ARL13B: variants seen among roughly 807,000 people sequenced by gnomAD.
The protein encoded by ARL13B is ARF like GTPase 13B.
ARL13B carries 36 observed loss-of-function variants against 56.1 expected under a neutral mutation model. The ratio of observed to expected loss-of-function variants is 0.64; its 90% CI spans 0.49 to 0.85. ARL13B has a LOEUF of 0.85. Ranked by LOEUF, ARL13B falls within the 40% of genes least tolerant of loss-of-function variation. The pLI, the probability that ARL13B is intolerant of heterozygous loss-of-function variation, is 0.00. For missense variants in ARL13B, 519 were observed against 507.1 expected (o/e 1.02, Z -0.23); for synonymous variants, 178 against 171.1 (o/e 1.04, Z -0.32).
chr3:93,980,762 G>A (rs922149103), intron 1 of ARL13B, among the ~76,000 whole-genome samples: 1 of 142,538 alleles, frequency 7.0e-6, no homozygotes, highest in Non-Finnish European at 1.5e-5. Context: ...TGTGTGTGTG[G>A]AATTGAAAAC....
chr3:93,998,939 T>TA (rs569590445), intron 2 of ARL13B, among the ~76,000 whole-genome samples: 490 of 150,974 alleles, frequency 3.2e-3, no homozygotes, highest in African/African-American at 0.011. Flanking sequence ...TTTTTTTTTT[T>TA]ATTTCCGTGT....
At chr3:94,027,407 A>G (rs1202554932) in intron 3 of ARL13B, among the ~76,000 whole-genome samples, 1 of 152,088 alleles carries the variant, frequency 6.6e-6, no homozygotes, top group Non-Finnish European at 1.5e-5. Flanking sequence ...TAAATAACTT[A>G]TTGAATTAAC....
intron 3 of ARL13B, among the ~76,000 whole-genome samples, chr3:94,013,444 G>A (rs2076260851): frequency 6.6e-6 from 1 of 152,194 alleles, no homozygotes. Context: ...AAATATTCAA[G>A]AATACAGTTG....
At chr3:94,020,276 C>T (rs2076420360) in intron 3 of ARL13B, among the ~76,000 whole-genome samples, 3 of 152,120 alleles carry the variant, frequency 2.0e-5, no homozygotes, top group Admixed American at 2.0e-4. Flanking sequence ...GTGCCAGGCA[C>T]TAAGTGTGTT....
In ARL13B at chr3:94,003,685, G is replaced by T. The variant is rs748453639; in HGVS notation, c.157G>T (p.Val53Phe). Residue 53 changes from valine to phenylalanine, a missense_variant, in exon 3 of 10, where the codon GTT becomes TTT. By Grantham distance (50) the Val-to-Phe change is conservative. Transcript: ENST00000394222. ...GEYPEDVAPT[V>F]GFSKINLRQG... ...ATACCCTGAAGATGTAGCTCCTACT[G>T]TTGGATTTTCAAAAATTAACCTTAG... is the stretch of plus-strand genomic sequence containing the variant. 1 of 1,613,446 alleles carries T rather than the reference G, an allele frequency of 6.2e-7. No homozygotes were observed. Among genetic ancestry groups the T allele is most frequent in the South Asian group, 1.1e-5 (1 of 91,034 alleles).
At position 94,054,760 on chromosome 3, in the gene ARL13B, A is replaced by T. The variant is rs1342407097; in HGVS notation, c.*1497A>T. 3.8e-5 allele frequency: 16 copies of T among 418,718 alleles called. No homozygotes were observed. The highest frequency in any genetic ancestry group is 6.7e-5 in the Non-Finnish European group (14 of 209,294). The allele number at this position is 418,718 out of a possible 1,614,324, so 25.9% of individuals were successfully genotyped here. On this transcript the variant is annotated 3_prime_UTR_variant, in exon 10 of 10. Transcript: ENST00000394222. ...TATATTCTTGGAGTTTGTACATGGG[A>T]CTTAGCAACCACACTGAGTGAGGTA...
intron 3 of ARL13B, among the ~76,000 whole-genome samples, chr3:94,026,910 C>T (rs1257401551): frequency 1.3e-5 from 2 of 152,082 alleles, no homozygotes; most frequent in Non-Finnish European, 2.9e-5. Context: ...ACTTGGACAA[C>T]TTGTTCTGGG....
At position 93,980,496 on chromosome 3, in the gene ARL13B, A is replaced by G. The variant is rs762514257; in HGVS notation, c.59+14A>G. The G allele has an allele frequency of 7.5e-6, 12 of 1,609,396 alleles. No homozygotes were observed. The highest frequency in any genetic ancestry group is 3.3e-5 in the Admixed American group (2 of 60,006). On this transcript the variant is annotated intron_variant, in intron 1 of 9. Transcript: ENST00000394222. ...GGAGCCTGTCAGGTAGGCTGGAGCCAGCTGTCCTGGCCGTCCTAGGGGTTG... is the reference window on the plus strand; with the variant it reads ...GGAGCCTGTCAGGTAGGCTGGAGCCGGCTGTCCTGGCCGTCCTAGGGGTTG...
intron 3 of ARL13B, among the ~76,000 whole-genome samples, chr3:94,028,762 A>G (rs575637668): frequency 2.0e-5 from 3 of 152,332 alleles, no homozygotes; most frequent in Non-Finnish European, 2.9e-5. Flanking sequence ...TACATTGTAT[A>G]TGTAATATAT....
intron 6 of ARL13B, among the ~76,000 whole-genome samples, chr3:94,042,060 AAAAAT>A (rs763216389): frequency 6.6e-6 from 1 of 152,358 alleles, no homozygotes; most frequent in East Asian, 1.9e-4. Context: ...CCATCTCAAA[AAAAAT>A]AAAATAAAAT....
At position 94,036,664 on chromosome 3, in the gene ARL13B, G is replaced by A. The variant is rs764109067; in HGVS notation, c.599G>A (p.Arg200His). 10 of 1,613,978 alleles carry A rather than the reference G, an allele frequency of 6.2e-6. No homozygotes were observed. Among genetic ancestry groups the A allele is most frequent in the South Asian group, 2.2e-5 (2 of 91,066 alleles). ...AGAGACTTTGATGCCTTAAATGAACGCATCCAAAAAGAGACAACAGAGCAG... is the reference window on the plus strand; with the variant it reads ...AGAGACTTTGATGCCTTAAATGAACACATCCAAAAAGAGACAACAGAGCAG... ...IARDFDALNERIQKETTEQRA... is the reference protein window; with the variant it reads ...IARDFDALNEHIQKETTEQRA... Residue 200 changes from arginine to histidine, a missense_variant, in exon 5 of 10, where the codon CGC becomes CAC. Transcript: ENST00000394222.
At chr3:94,026,421 A>T (rs1030248168) in intron 3 of ARL13B, among the ~76,000 whole-genome samples, 4 of 152,210 alleles carry the variant, frequency 2.6e-5, no homozygotes, top group Admixed American at 6.5e-5. Context: ...TGTTTCCCTA[A>T]ATCCTTGTTC....
chr3:93,982,679 A>C (rs1031764077), intron 1 of ARL13B, among the ~76,000 whole-genome samples: 2 of 152,244 alleles, frequency 1.3e-5, no homozygotes, highest in South Asian at 2.1e-4. Flanking sequence ...TATAAAGGAC[A>C]TAGGTAAACA....
rs2076089975 is a variant in ARL13B, at chr3:94,003,752, G to A, written c.224G>A (p.Gly75Glu). Residue 75 changes from glycine to glutamate, a missense_variant, in exon 3 of 10, where the codon GGA becomes GAA. Gly to Glu is a moderately conservative substitution (Grantham distance 98). Transcript: ENST00000394222. ...GTCACCATCTTTGACTTGGGAGGTG[G>A]AATAAGAATTCGGGGAATCTGGAAG... is the stretch of plus-strand genomic sequence containing the variant. ...FEVTIFDLGG[G>E]IRIRGIWKNY... 6.2e-7 allele frequency: 1 copy of A among 1,613,682 alleles called. No individual in the cohort carries two copies. The highest frequency in any genetic ancestry group is 8.5e-7 in the Non-Finnish European group (1 of 1,179,730).
intron 9 of ARL13B, among the ~76,000 whole-genome samples, chr3:94,052,082 G>A (rs2077075487): frequency 6.6e-6 from 1 of 151,844 alleles, no homozygotes; most frequent in Admixed American, 6.6e-5. Context: ...ACAACTCTTA[G>A]TGAACTTGTG....
At position 94,055,441 on chromosome 3, in the gene ARL13B, A is replaced by G. The variant is rs971316523; in HGVS notation, c.*2178A>G. 2.2e-6 allele frequency: 1 copy of G among 453,218 alleles called. No homozygotes were observed. The highest frequency in any genetic ancestry group is 4.4e-6 in the Non-Finnish European group (1 of 226,258). The allele number at this position is 453,218 out of a possible 1,614,324, so 28.1% of individuals were successfully genotyped here. A position where few individuals can be genotyped will look rare whatever the true frequency, so the allele number is the denominator to read the frequency against. ...CACACAAAACTTTTTTCTCTCTGCA[A>G]GTTTTTATGTATGTGGGAAAGAATT... On this transcript the variant is annotated 3_prime_UTR_variant, in exon 10 of 10. Coordinates refer to ENST00000394222, the MANE Select transcript of ARL13B (RefSeq NM_001174150.2).
At chr3:94,024,880 A>C (rs1184248767) in intron 3 of ARL13B, among the ~76,000 whole-genome samples, 1 of 152,142 alleles carries the variant, frequency 6.6e-6, no homozygotes, top group Admixed American at 6.5e-5. Context: ...GAGCTAGTGC[A>C]CCCAGCCTCT....
intron 7 of ARL13B, chr3:94,048,009 C>T: frequency 6.6e-6 from 1 of 151,840 alleles, no homozygotes; most frequent in South Asian, 2.1e-4. Context: ...GACACACACA[C>T]ACACACACAC....
chr3:94,047,544 C>T (rs2077001980), intron 7 of ARL13B, among the ~76,000 whole-genome samples: 1 of 152,112 alleles, frequency 6.6e-6, no homozygotes, highest in Admixed American at 6.6e-5. Flanking sequence ...CCTTTGTATG[C>T]ACTATATTAT....
Sources: gnomAD v4.1 joint callset for allele counts (sites outside exome capture counted in the v4.1 genomes callset) on GRCh38, gnomAD v4.1.1 for gene constraint, MANE v1.5 for transcripts, NCBI Gene and HGNC (gene_info 2026-07-23, HGNC 2026-07-21) for gene names.